The following DEPDC1 variants were observed in gnomAD, a reference collection of about 807,000 sequenced individuals.
The protein encoded by DEPDC1 is DEP domain containing 1.
Under a neutral mutation model 86.8 loss-of-function variants are expected in DEPDC1, and 66 were observed. The ratio of observed to expected loss-of-function variants is 0.76; its 90% CI spans 0.62 to 0.93. The LOEUF is 0.93. DEPDC1 is among the 40% of genes least tolerant of loss of function. The pLI, the probability that DEPDC1 is intolerant of heterozygous loss-of-function variation, is 0.00. For synonymous variants in DEPDC1, 255 were observed against 314.9 expected (o/e 0.81, Z 2.02); for missense variants, 792 against 935.7 (o/e 0.85, Z 2.00).
At chr1:68,484,937 C>CATATATATATAT (rs71581173) in intron 6 of DEPDC1, among the ~76,000 whole-genome samples, 179 of 147,816 alleles carry the variant, frequency 1.2e-3, no homozygotes, top group Admixed American at 3.6e-3. Context: ...CTTCTGGAGG[C>CATATATATATAT]ATATATATAT....
Position 68,496,579 on chromosome 1 carries a change from C to A in DEPDC1, c.48+373G>T. ...CCTACAAAGCTTTGGACCTCATTCC[C>A]AATTGTTCCCTAATTCTGAGGCGGG... On this transcript the variant is annotated intron_variant, in intron 1 of 11. Transcript: ENST00000456315. The surrounding 1 kb of genome is among the most constrained non-coding windows in gnomAD (Gnocchi z 4.0). 1 of 224,102 alleles carries A rather than the reference C, an allele frequency of 4.5e-6. No homozygotes were observed. Among genetic ancestry groups the A allele is most frequent in the Non-Finnish European group, 8.7e-6 (1 of 114,990 alleles). 13.9% of individuals were successfully genotyped at this position (224,102 alleles called of 1,614,324 possible).
At chr1:68,493,736 G>A (rs1646244254) in intron 2 of DEPDC1, among the ~76,000 whole-genome samples, 1 of 152,052 alleles carries the variant, frequency 6.6e-6, no homozygotes, top group African/African-American at 2.4e-5. Flanking sequence ...GTTATTTTTT[G>A]AGATAGTCTT....
rs1456141766 is a variant in DEPDC1 at position 68,493,719 on chromosome 1, T to C, written c.314+711A>G. Among the ~76,000 whole-genome samples, 3 of 152,296 alleles carry C rather than the reference T, an allele frequency of 2.0e-5. No homozygotes were observed. In the East Asian group the frequency reaches 5.8e-4, roughly 29 times the overall value. Reference sequence around the variant, plus strand: ...TTAACCTGTGGTATATTTCTTCTGTTATCATTGTTATTTTTTGAGATAGTC... The same window carrying C: ...TTAACCTGTGGTATATTTCTTCTGTCATCATTGTTATTTTTTGAGATAGTC... On this transcript the variant is annotated intron_variant, in intron 2 of 11. Transcript: ENST00000456315.
chr1:68,491,355 A>G (rs187375612), intron 2 of DEPDC1, among the ~76,000 whole-genome samples: 85 of 152,342 alleles, frequency 5.6e-4, no homozygotes, highest in Non-Finnish European at 5.9e-5. Context: ...AAAGGGGGCA[A>G]AGGACATGAA....
intron 10 of DEPDC1, 40 bp from the exon 11 acceptor site, chr1:68,478,012 C>A: frequency 1.5e-6 from 2 of 1,379,048 alleles, no homozygotes; most frequent in South Asian, 3.6e-5. Context: ...TAATTCTGGT[C>A]ATGTTCTTAT....
In DEPDC1 at chr1:68,494,596, C is replaced by T; in HGVS notation, c.148G>A (p.Val50Met). 6.2e-7 allele frequency: 1 copy of T among 1,613,832 alleles called. No individual in the cohort carries two copies. The highest frequency in any genetic ancestry group is 8.5e-7 in the Non-Finnish European group (1 of 1,179,806). The change falls in exon 2 of 12, where the codon GTG becomes ATG. Residue 50 changes from valine (V) to methionine (M), a missense_variant. Coordinates refer to ENST00000456315, the MANE Select transcript of DEPDC1 (RefSeq NM_001114120.3). ...YGNCFTAGEA[V>M]DWLYDLLRNN... ...CTTAATAGGTCATAAAGCCAATCCA[C>T]TGCTTCTCCTGCTGTGAAACAATTG... is the stretch of plus-strand genomic sequence containing the variant.
chr1:68,481,887 A>C (rs1416291917), intron 8 of DEPDC1, 159 bp downstream of exon 8: 1 of 765,278 alleles, frequency 1.3e-6, no homozygotes, highest in Non-Finnish European at 1.9e-6. Flanking sequence ...GGTAAACAGA[A>C]TAAATCTTGG....
intron 3 of DEPDC1, among the ~76,000 whole-genome samples, chr1:68,489,239 A>G: frequency 6.6e-6 from 1 of 152,064 alleles, no homozygotes; most frequent in Non-Finnish European, 1.5e-5. Flanking sequence ...CTTAAATTAT[A>G]TAACTGTTGT....
rs942725509 is a variant in DEPDC1 at position 68,488,264 on chromosome 1, A to G, written c.721+110T>C. On this transcript the variant is annotated intron_variant, in intron 5 of 11. Coordinates refer to ENST00000456315, the MANE Select transcript of DEPDC1 (RefSeq NM_001114120.3). Reference sequence around the variant, plus strand: ...TAAAGAACTTATGATAGCCCCTCTGATGCTCCATGAAAGTATTCTACTTTC... The same window carrying G: ...TAAAGAACTTATGATAGCCCCTCTGGTGCTCCATGAAAGTATTCTACTTTC... 1.2e-5 allele frequency: 12 copies of G among 1,000,000 alleles called. No homozygotes were observed. In the African/African-American group the frequency reaches 2.1e-4, roughly 17 times the overall value. The allele number at this position is 1,000,000 out of a possible 1,614,324, so 61.9% of individuals were successfully genotyped here.
intron 2 of DEPDC1, among the ~76,000 whole-genome samples, chr1:68,490,205 G>A (rs1646220425): frequency 6.6e-6 from 1 of 151,846 alleles, no homozygotes; most frequent in African/African-American, 2.4e-5. Context: ...TTTGTTGTAC[G>A]GATTATTTCA....
At chr1:68,486,012 G>C (rs932343334) in intron 6 of DEPDC1, among the ~76,000 whole-genome samples, 1 of 151,948 alleles carries the variant, frequency 6.6e-6, no homozygotes, top group Non-Finnish European at 1.5e-5. Context: ...AAGCAATTAG[G>C]ATTTTGTACT....
rs375420726 is a variant in DEPDC1, at chr1:68,476,729, A to T, written c.*203T>A. On this transcript the variant is annotated 3_prime_UTR_variant, in exon 12 of 12. Coordinates refer to ENST00000456315, the MANE Select transcript of DEPDC1 (RefSeq NM_001114120.3). ...TTAAAAACAAAAAGTATTTGGTATC[A>T]TCTATTGTTATGTGCTCTCAATTGA... 5 of 445,152 alleles carry T rather than the reference A, an allele frequency of 1.1e-5. No homozygotes were observed. In the East Asian group the frequency reaches 1.8e-4, roughly 16 times the overall value. The allele number at this position is 445,152 out of a possible 1,614,324, so 27.6% of individuals were successfully genotyped here.
intron 10 of DEPDC1, among the ~76,000 whole-genome samples, chr1:68,478,347 A>C (rs770854480): frequency 6.6e-6 from 1 of 151,998 alleles, no homozygotes; most frequent in Non-Finnish European, 1.5e-5. Context: ...TAACAATCTA[A>C]GTGTTATTCT....
chr1:68,488,117 C>A (rs1023778565), intron 5 of DEPDC1, among the ~76,000 whole-genome samples: 6 of 151,748 alleles, frequency 4.0e-5, no homozygotes, highest in African/African-American at 1.4e-4. Context: ...TATTTGTATA[C>A]CTTTTGGATG....
intron 11 of DEPDC1, 64 bp downstream of exon 11, chr1:68,477,723 T>G (rs965442550): frequency 9.3e-7 from 1 of 1,073,794 alleles, no homozygotes; most frequent in African/African-American, 1.6e-5. Flanking sequence ...CTAAATGTTA[T>G]TAACAACCAG....
rs1436605812 is a variant in DEPDC1, at chr1:68,483,905, A to G, written c.910+45T>C. On this transcript the variant is annotated intron_variant, in intron 7 of 11. Transcript: ENST00000456315. ...GATCTTCTAAATTATAAGAAAGTTG[A>G]AAACTTTAACAAAATGAACTAAAAT... The G allele has an allele frequency of 8.2e-6, 10 of 1,226,842 alleles. No individual in the cohort carries two copies. In the East Asian group the frequency reaches 2.2e-4, roughly 27 times the overall value. 76.0% of individuals were successfully genotyped at this position (1,226,842 alleles called of 1,614,324 possible). A position where few individuals can be genotyped will look rare whatever the true frequency, so the allele number is the denominator to read the frequency against.
chr1:68,481,138 C>T (rs1254809668), intron 9 of DEPDC1, among the ~76,000 whole-genome samples: 2 of 151,978 alleles, frequency 1.3e-5, no homozygotes, highest in African/African-American at 4.8e-5. Context: ...ATCCACCAAA[C>T]AGAATTGGCA....
chr1:68,488,466 A>C lies in DEPDC1; in HGVS notation c.629T>G (p.Val210Gly), dbSNP rs1195708312. ...GGGAATTACTTGTTTTGGATTTATGACTTCTTCTAGGGATGGCACACCTAA... is the reference window on the plus strand; with the variant it reads ...GGGAATTACTTGTTTTGGATTTATGCCTTCTTCTAGGGATGGCACACCTAA... Reference protein sequence around the residue: ...TILGVPSLEEVINPKQVIPQY... With the variant: ...TILGVPSLEEGINPKQVIPQY... Residue 210 changes from valine (V) to glycine (G), a missense_variant, in exon 5 of 12, where the codon GTC (valine) becomes GGC (glycine). Coordinates refer to ENST00000456315, the MANE Select transcript of DEPDC1 (RefSeq NM_001114120.3). 6.2e-7 allele frequency: 1 copy of C among 1,606,302 alleles called. No homozygotes were observed.
Position 68,482,622 on chromosome 1 carries a change from T to C in DEPDC1, c.1186A>G (p.Met396Val). ...ATTAAATTATGACAACTTCCTCCCATTATGTCATTAGCACTCACTCTTCTG... is the reference window on the plus strand; with the variant it reads ...ATTAAATTATGACAACTTCCTCCCACTATGTCATTAGCACTCACTCTTCTG... ...RNRRVSANDI[M>V]GGSCHNLIGL... The change falls in exon 8 of 12, where the codon ATG becomes GTG. Residue 396 changes from methionine to valine, a missense_variant. Coordinates refer to ENST00000456315, the MANE Select transcript of DEPDC1 (RefSeq NM_001114120.3). 1 of 1,612,796 alleles carries C rather than the reference T, an allele frequency of 6.2e-7. No individual in the cohort carries two copies. Among genetic ancestry groups the C allele is most frequent in the Non-Finnish European group, 8.5e-7 (1 of 1,179,198 alleles).
Sources: allele counts gnomAD v4.1 joint callset (sites outside exome capture counted in the v4.1 genomes callset), GRCh38; gene constraint gnomAD v4.1.1; non-coding constraint Gnocchi (gnomAD v3.1); transcripts MANE v1.5; gene names NCBI Gene and HGNC (gene_info 2026-07-23, HGNC 2026-07-21).